Variants in MDGA2 observed in about 807,000 individuals in gnomAD.
MDGA2 encodes MAM domain containing glycosylphosphatidylinositol anchor 2.
In MDGA2, 40 loss-of-function variants were observed where a neutral mutation model predicts 117.8. The observed-to-expected ratio is 0.34, with a 90% confidence interval of 0.26 to 0.44. The LOEUF is 0.44. Ranked by LOEUF, MDGA2 falls within the 20% of genes least tolerant of loss-of-function variation. The probability of loss-of-function intolerance (pLI) is 1.00; values close to 1 mark genes in which losing one functional copy is unlikely to be tolerated. For synonymous variants in MDGA2, 452 were observed against 439.0 expected, an observed-to-expected ratio of 1.03 and a Z score of -0.37; for missense variants, 1,123 against 1,250.6, an observed-to-expected ratio of 0.90 and a Z score of 1.54.
At chr14:47,124,677 C>T (rs1000096228) in intron 5 of MDGA2, among the ~76,000 whole-genome samples, 1 of 151,814 alleles carries the variant, frequency 6.6e-6, no homozygotes, top group African/African-American at 2.4e-5. Context: ...AGAGAGGTAA[C>T]CAAGGGTAAA....
Position 47,094,362 on chromosome 14 carries a change from T to G in MDGA2, c.1195+2492A>C, listed in dbSNP as rs185712765. On this transcript the variant is annotated intron_variant, in intron 6 of 16. Coordinates refer to ENST00000399232, the MANE Select transcript of MDGA2 (RefSeq NM_001113498.3). ...GTCTTTCATGTCAAAGTTGGAAACTTTCTTTTGTAAGGATACAGGTGAAAA... is the reference window on the plus strand; with the variant it reads ...GTCTTTCATGTCAAAGTTGGAAACTGTCTTTTGTAAGGATACAGGTGAAAA... Among the ~76,000 whole-genome samples the G allele has an allele frequency of 4.6e-3, 705 of 152,136 alleles. 9 individuals are homozygous for G. Among genetic ancestry groups the G allele is most frequent in the African/African-American group, 0.016 (660 of 41,530 alleles).
intron 1 of MDGA2, among the ~76,000 whole-genome samples, chr14:47,584,609 G>T: frequency 6.6e-6 from 1 of 151,620 alleles, no homozygotes; most frequent in Admixed American, 6.6e-5. Context: ...CTCCTGCCTG[G>T]ATTATCACAA....
chr14:47,627,258 G>A (rs1316339630), intron 1 of MDGA2, among the ~76,000 whole-genome samples: 1 of 151,810 alleles, frequency 6.6e-6, no homozygotes, highest in Non-Finnish European at 1.5e-5. Context: ...TAATCTGGTG[G>A]GGACTTGGAG....
At chr14:47,326,115 C>A (rs987063074) in intron 1 of MDGA2, among the ~76,000 whole-genome samples, 4 of 152,092 alleles carry the variant, frequency 2.6e-5, no homozygotes, top group African/African-American at 9.7e-5. Context: ...AAGATCTGAA[C>A]TTCCTACTAA....
intron 10 of MDGA2, among the ~76,000 whole-genome samples, chr14:46,892,348 C>G (rs1882916256): frequency 6.6e-6 from 1 of 151,796 alleles, no homozygotes; most frequent in South Asian, 2.1e-4. Context: ...ACACCATACA[C>G]AGATTAACTC....
chr14:47,368,397 T>C (rs1359120154), intron 1 of MDGA2, among the ~76,000 whole-genome samples: 14 of 152,192 alleles, frequency 9.2e-5, no homozygotes, highest in Admixed American at 9.2e-4. Context: ...TAACAAAATA[T>C]ATTTACAAAT....
intron 13 of MDGA2, chr14:46,873,843 C>T (rs1029895202): frequency 2.8e-5 from 16 of 571,804 alleles, no homozygotes; most frequent in Non-Finnish European, 4.2e-5. Context: ...AATTCCTATT[C>T]TCTCTACTAT....
At chr14:47,673,123 T>C (rs2138322658) in intron 1 of MDGA2, among the ~76,000 whole-genome samples, 1 of 151,798 alleles carries the variant, frequency 6.6e-6, no homozygotes, top group African/African-American at 2.4e-5. Context: ...GCAGATGGAG[T>C]GCAGTGGGTA....
chr14:46,940,037 T>C (rs142287523), intron 9 of MDGA2, among the ~76,000 whole-genome samples: 17 of 152,282 alleles, frequency 1.1e-4, no homozygotes, highest in African/African-American at 4.1e-4. Flanking sequence ...ACAGAGTTAT[T>C]GTATAGGCTA....
At chr14:47,009,980 A>AT (rs546301432) in intron 8 of MDGA2, among the ~76,000 whole-genome samples, 26 of 151,886 alleles carry the variant, frequency 1.7e-4, no homozygotes, top group Non-Finnish European at 3.4e-4. Flanking sequence ...TTCCCAACCT[A>AT]TTAAGTCTGA....
intron 6 of MDGA2, among the ~76,000 whole-genome samples, chr14:47,089,607 AT>A (rs368652679): frequency 2.1e-4 from 32 of 151,534 alleles, no homozygotes; most frequent in African/African-American, 6.1e-4. Context: ...ATGTTTTTGT[AT>A]TTTTTTTATT....
intron 1 of MDGA2, among the ~76,000 whole-genome samples, chr14:47,352,510 A>C (rs541846937): frequency 1.0e-3 from 159 of 152,312 alleles, no homozygotes; most frequent in Non-Finnish European, 1.9e-3. Flanking sequence ...AAAAAGCTTT[A>C]TTGCTCACAC....
chr14:47,053,612 T>C (rs1170954454), intron 7 of MDGA2, among the ~76,000 whole-genome samples: 3 of 12,206 alleles, frequency 2.5e-4, no homozygotes, highest in Non-Finnish European at 3.7e-4. Flanking sequence ...TATATATATA[T>C]ATATATATAT....
chr14:46,878,696 A>C (rs1235729751), intron 11 of MDGA2, among the ~76,000 whole-genome samples: 1 of 152,038 alleles, frequency 6.6e-6, no homozygotes, highest in Non-Finnish European at 1.5e-5. Flanking sequence ...GTGAACTAAA[A>C]ATAACAATTT....
Position 47,233,047 on chromosome 14 carries a change from A to G in MDGA2, c.421-14852T>C, listed in dbSNP as rs1886743652. On this transcript the variant is annotated intron_variant, in intron 2 of 16. Coordinates refer to ENST00000399232, the MANE Select transcript of MDGA2 (RefSeq NM_001113498.3). ...TTCAACTGAAAGTAACTGCTATTAT[A>G]AAAGAGTTTCACACTCAGTATTTAA... Among the ~76,000 whole-genome samples, 6 of 152,306 alleles carry G rather than the reference A, an allele frequency of 3.9e-5. No individual in the cohort carries two copies. In the South Asian group the frequency reaches 1.2e-3, roughly 32 times the overall value.
intron 3 of MDGA2, among the ~76,000 whole-genome samples, chr14:47,180,034 AAACTTTTATTTTG>A (rs1187966384): frequency 1.0e-5 from 1 of 95,374 alleles, no homozygotes; most frequent in Non-Finnish European, 2.2e-5. Context: ...CTTTTATTTT[AAACTTTTATTTTG>A]AGTTCAGGAG....
At chr14:46,859,867 T>A (rs556798496) in intron 14 of MDGA2, among the ~76,000 whole-genome samples, 1 of 152,220 alleles carries the variant, frequency 6.6e-6, no homozygotes, top group Non-Finnish European at 1.5e-5. Context: ...CTTATTTATA[T>A]GAATATGCTA....
chr14:47,507,371 C>G (rs1894534790), intron 1 of MDGA2, among the ~76,000 whole-genome samples: 1 of 152,018 alleles, frequency 6.6e-6, no homozygotes, highest in Non-Finnish European at 1.5e-5. Context: ...AGATGAACTA[C>G]CAGGAGAGCA....
At chr14:47,569,274 T>C in intron 1 of MDGA2, among the ~76,000 whole-genome samples, 1 of 152,160 alleles carries the variant, frequency 6.6e-6, no homozygotes, top group Non-Finnish European at 1.5e-5. Context: ...AGGGCCAAAA[T>C]CTAATAATCA....
Sources: gnomAD v4.1 joint callset for allele counts (sites outside exome capture counted in the v4.1 genomes callset) on GRCh38, gnomAD v4.1.1 for gene constraint, MANE v1.5 for transcripts, NCBI Gene and HGNC (gene_info 2026-07-23, HGNC 2026-07-21) for gene names.